Variants in C12orf42 observed in about 807,000 individuals in gnomAD.
C12orf42 encodes the protein chromosome 12 open reading frame 42.
A neutral mutation model predicts 21.6 loss-of-function variants in C12orf42; 25 were observed. The ratio of observed to expected loss-of-function variants is 1.16; its 90% CI spans 0.84 to 1.62. The LOEUF is 1.62. Ranked by LOEUF, C12orf42 falls within the 40% of genes most tolerant of loss-of-function variation. The pLI is 0.00. For synonymous variants in C12orf42, 174 were observed against 175.0 expected, an observed-to-expected ratio of 0.99 and a Z score of 0.05; for missense variants, 483 against 459.3, an observed-to-expected ratio of 1.05 and a Z score of -0.47.
intron 2 of C12orf42, among the ~76,000 whole-genome samples, chr12:103,406,327 A>G (rs1427625037): frequency 6.6e-6 from 1 of 152,202 alleles, no homozygotes; most frequent in Non-Finnish European, 1.5e-5. Context: ...TGATCTTTGT[A>G]GATAGCTGCT....
chr12:103,483,111 G>C (rs899809719), intron 1 of C12orf42, among the ~76,000 whole-genome samples: 1 of 152,074 alleles, frequency 6.6e-6, no homozygotes, highest in Non-Finnish European at 1.5e-5. Flanking sequence ...CTACCTCTTT[G>C]CTTGTGGGTA....
the C12orf42 span, chr12:103,080,848 G>A: frequency 6.6e-6 from 1 of 152,142 alleles, no homozygotes; most frequent in South Asian, 2.1e-4. Flanking sequence ...TATGAGATGA[G>A]TAATTATAAT....
At chr12:103,167,526 G>T in the C12orf42 span, among the ~76,000 whole-genome samples, 1 of 152,066 alleles carries the variant, frequency 6.6e-6, no homozygotes, top group Non-Finnish European at 1.5e-5. Context: ...TCTCTTAACA[G>T]CTCCCTCAAC....
chr12:103,549,914 T>G, the C12orf42 span, among the ~76,000 whole-genome samples: 10 of 152,206 alleles, frequency 6.6e-5, no homozygotes. Flanking sequence ...TCTCATGTGC[T>G]GCTGACAGCC....
Position 103,302,062 on chromosome 12 carries a change from T to A in C12orf42, c.*46A>T. On this transcript the variant is annotated 3_prime_UTR_variant, in exon 6 of 6. Transcript: ENST00000548883. ...CCTTTCTGTTGTTCTGAGCAGGCAT[T>A]GATTTGAAGATGGGCAGCACTCGCC... 6.4e-7 allele frequency: 1 copy of A among 1,566,146 alleles called. No individual in the cohort carries two copies. Among genetic ancestry groups the A allele is most frequent in the Non-Finnish European group, 8.7e-7 (1 of 1,152,036 alleles).
chr12:103,517,280 C>T, the C12orf42 span, among the ~76,000 whole-genome samples: 253 of 152,280 alleles, frequency 1.7e-3, 1 homozygote, highest in Non-Finnish European at 2.5e-3. Context: ...TTTCTACTGA[C>T]GCTAGTCAAA....
the C12orf42 span, among the ~76,000 whole-genome samples, chr12:103,520,527 C>G: frequency 6.8e-6 from 1 of 147,038 alleles, no homozygotes; most frequent in Non-Finnish European, 1.5e-5. Flanking sequence ...CTGCCCCTAA[C>G]AACAACAACA....
chr12:103,231,760 C>A, the C12orf42 span, among the ~76,000 whole-genome samples: 1 of 152,152 alleles, frequency 6.6e-6, no homozygotes, highest in African/African-American at 2.4e-5. Context: ...ATGAATAAAG[C>A]TGTTATACAC....
chr12:103,186,892 A>T, the C12orf42 span, among the ~76,000 whole-genome samples: 1 of 152,042 alleles, frequency 6.6e-6, no homozygotes, highest in African/African-American at 2.4e-5. Flanking sequence ...GTAGCTGAGA[A>T]CCCTGTTTTC....
the C12orf42 span, among the ~76,000 whole-genome samples, chr12:103,086,462 G>A: frequency 3.7e-3 from 558 of 150,766 alleles, 2 homozygotes; most frequent in African/African-American, 0.013. Flanking sequence ...CAGAATCTGA[G>A]TACTTAACTC....
At chr12:103,444,774 G>A (rs1367552694) in intron 2 of C12orf42, among the ~76,000 whole-genome samples, 2 of 151,942 alleles carry the variant, frequency 1.3e-5, no homozygotes, top group African/African-American at 4.8e-5. Flanking sequence ...TCAAAGTTAT[G>A]TTGACTGTCA....
At chr12:103,358,373 G>C (rs1345710090) in intron 4 of C12orf42, among the ~76,000 whole-genome samples, 1 of 152,044 alleles carries the variant, frequency 6.6e-6, no homozygotes, top group Non-Finnish European at 1.5e-5. Flanking sequence ...AGGGATATGA[G>C]ATGACTGGAG....
At chr12:103,065,366 G>A in the C12orf42 span, among the ~76,000 whole-genome samples, 1 of 152,196 alleles carries the variant, frequency 6.6e-6, no homozygotes, top group East Asian at 1.9e-4. Context: ...CATTGACTTG[G>A]GGAATATCTT....
the C12orf42 span, among the ~76,000 whole-genome samples, chr12:103,520,266 T>G: frequency 1.3e-5 from 2 of 152,186 alleles, no homozygotes; most frequent in African/African-American, 4.8e-5. Context: ...TTCATTCTAT[T>G]GGGACCCCAG....
chr12:103,224,288 T>G, the C12orf42 span, among the ~76,000 whole-genome samples: 1 of 152,058 alleles, frequency 6.6e-6, no homozygotes, highest in Non-Finnish European at 1.5e-5. Context: ...GAATAGCAGA[T>G]GGAACACTGA....
At chr12:103,383,023 A>G (rs1011851493) in intron 3 of C12orf42, among the ~76,000 whole-genome samples, 9 of 152,106 alleles carry the variant, frequency 5.9e-5, no homozygotes, top group Admixed American at 5.9e-4. Flanking sequence ...AGGAATATGC[A>G]CCTGTACATT....
chr12:103,222,574 A>G, the C12orf42 span, among the ~76,000 whole-genome samples: 1 of 152,200 alleles, frequency 6.6e-6, no homozygotes, highest in Non-Finnish European at 1.5e-5. Flanking sequence ...GACAATGTTC[A>G]TGGCGTGTGC....
chr12:103,509,428 C>G, the C12orf42 span, among the ~76,000 whole-genome samples: 1 of 152,168 alleles, frequency 6.6e-6, no homozygotes. Flanking sequence ...CACCTACAGA[C>G]AGCCTCGGAA....
At chr12:103,139,821 T>C in the C12orf42 span, among the ~76,000 whole-genome samples, 1 of 152,192 alleles carries the variant, frequency 6.6e-6, no homozygotes, top group South Asian at 2.1e-4. Context: ...AACGTAAACA[T>C]GGGGTTAAAA....
Sources: gnomAD v4.1 joint callset for allele counts (sites outside exome capture counted in the v4.1 genomes callset) on GRCh38, gnomAD v4.1.1 for gene constraint, MANE v1.5 for transcripts, NCBI Gene and HGNC (gene_info 2026-07-23, HGNC 2026-07-21) for gene names.